The following SPO11 variants were observed in gnomAD, a reference collection of about 807,000 sequenced individuals.
SPO11 encodes meiotic recombination protein SPO11.
A neutral mutation model predicts 51.6 loss-of-function variants in SPO11; 49 were observed. The ratio of observed to expected loss-of-function variants is 0.95; its 90% CI spans 0.75 to 1.20. SPO11 has a LOEUF of 1.20. Among genes scored for constraint, SPO11 ranks in the 50% most tolerant of loss-of-function variants. The pLI is 0.00. For missense variants in SPO11, 431 were observed against 473.4 expected, an observed-to-expected ratio of 0.91 and a Z score of 0.83; for synonymous variants, 176 against 158.2, an observed-to-expected ratio of 1.11 and a Z score of -0.84.
At chr20:57,330,359 G>A (rs1465581565) in intron 1 of SPO11, among the ~76,000 whole-genome samples, 1 of 151,874 alleles carries the variant, frequency 6.6e-6, no homozygotes, top group Non-Finnish European at 1.5e-5. Flanking sequence ...TAAAATTTTT[G>A]GTTAAACTTT....
In SPO11 at chr20:57,339,002, G is replaced by GTTA; in HGVS notation, c.859_860insTAT (p.Met286_Cys287insLeu). 1 of 1,491,666 alleles carries GTTA rather than the reference G, an allele frequency of 6.7e-7. No individual in the cohort carries two copies. Among genetic ancestry groups the GTTA allele is most frequent in the Non-Finnish European group, 9.1e-7 (1 of 1,094,872 alleles). 92.4% of individuals were successfully genotyped at this position (1,491,666 alleles called of 1,614,324 possible). On this transcript the variant is annotated inframe_insertion, in exon 10 of 13. Coordinates refer to ENST00000371263, the MANE Select transcript of SPO11 (RefSeq NM_012444.3). ...TTCTTTTAACAGGCATAGAAATAAT[G>GTTA]TGCATCTATAAGTATGGATCTATGG...
chr20:57,333,454 A>C (rs1397509192), intron 3 of SPO11, among the ~76,000 whole-genome samples, 178 bp downstream of exon 3: 3 of 152,216 alleles, frequency 2.0e-5, no homozygotes, highest in African/African-American at 7.2e-5. Context: ...TATCAACATA[A>C]ACATTTTTCA....
intron 8 of SPO11, among the ~76,000 whole-genome samples, chr20:57,338,013 G>A (rs545465233): frequency 5.3e-5 from 8 of 152,034 alleles, no homozygotes; most frequent in Admixed American, 2.6e-4. Context: ...TCAGCCTCCC[G>A]AGTACCTGGG....
intron 7 of SPO11, 34 bp downstream of exon 7, chr20:57,335,489 T>C: frequency 6.3e-7 from 1 of 1,589,858 alleles, no homozygotes; most frequent in Non-Finnish European, 8.6e-7. Context: ...TTTAAACTTT[T>C]GGAATGTTCA....
In SPO11 at chr20:57,339,984, A is replaced by T; in HGVS notation, c.883-118A>T. 4.4e-6 allele frequency: 3 copies of T among 687,768 alleles called. No individual in the cohort carries two copies. In the South Asian group the frequency reaches 5.1e-5, roughly 12 times the overall value. 42.6% of individuals were successfully genotyped at this position (687,768 alleles called of 1,614,324 possible). A position where few individuals can be genotyped will look rare whatever the true frequency, so the allele number is the denominator to read the frequency against. ...TTTCTTACTTCTGTGGGCTCTGGGC[A>T]TGTGAAGCCAGCTTTAGTACTTGTC... On this transcript the variant is annotated intron_variant, in intron 10 of 12. Coordinates refer to ENST00000371263, the MANE Select transcript of SPO11 (RefSeq NM_012444.3).
Position 57,331,952 on chromosome 20 carries a change from C to T in SPO11, c.245+6C>T. On this transcript the variant is annotated splice_donor_region_variant and intron_variant, in intron 2 of 12. Coordinates refer to ENST00000371263, the MANE Select transcript of SPO11 (RefSeq NM_012444.3). ...TCAAGCTGGGAAAACATAAAGTGGGCATTTTGCATTTTTATTTTTTAAATG... is the reference window on the plus strand; with the variant it reads ...TCAAGCTGGGAAAACATAAAGTGGGTATTTTGCATTTTTATTTTTTAAATG... 1 of 1,507,116 alleles carries T rather than the reference C, an allele frequency of 6.6e-7. No individual in the cohort carries two copies. Among genetic ancestry groups the T allele is most frequent in the South Asian group, 1.2e-5 (1 of 80,316 alleles). 93.4% of individuals were successfully genotyped at this position (1,507,116 alleles called of 1,614,324 possible).
chr20:57,331,897 G>C lies in SPO11; in HGVS notation c.196G>C (p.Glu66Gln). The change falls in exon 2 of 13, where the codon GAA becomes CAA. Residue 66 changes from glutamate to glutamine, a missense_variant. Glu to Gln is a conservative substitution (Grantham distance 29, BLOSUM62 2). Transcript: ENST00000371263. Reference protein sequence around the residue: ...QDIITSLARNEAPAFTIDNRS... With the variant: ...QDIITSLARNQAPAFTIDNRS... ...CATAATCACAAGCTTGGCAAGAAAT[G>C]AAGCACCTGCATTCACGATAGACAA... The C allele has an allele frequency of 6.2e-7, 1 of 1,606,602 alleles. No homozygotes were observed. Among genetic ancestry groups the C allele is most frequent in the Non-Finnish European group, 8.5e-7 (1 of 1,176,672 alleles).
At position 57,341,751 on chromosome 20, in the gene SPO11, T is replaced by TA. The variant is rs561397312; in HGVS notation, c.960-973dup. The stretch of plus-strand genomic sequence containing the variant: ...ATCCCTTGGGGGTGATCTGTTTGTA[T>TA]AAAAACAATTTTAACACAAATTCAA... On this transcript the variant is annotated intron_variant, in intron 11 of 12. Transcript: ENST00000371263. Among the ~76,000 whole-genome samples the TA allele has an allele frequency of 7.9e-5, 12 of 152,328 alleles. No homozygotes were observed. The East Asian group carries it at 2.3e-3, about 29-fold the overall frequency.
rs759951296 is a variant in SPO11 at position 57,339,018 on chromosome 20, G to T, written c.874G>T (p.Gly292Ter). Residue 292 changes from glycine to a stop codon, truncating the protein, a stop_gained, in exon 10 of 13, where the codon GGA (glycine) becomes TGA (stop). Transcript: ENST00000371263. LOFTEE classifies it high-confidence loss of function. Reference protein sequence around the residue: ...GIEIMCIYKYGSMSMSFEAHH... With the variant: ...GIEIMCIYKY The stretch of plus-strand genomic sequence containing the variant: ...AGAAATAATGTGCATCTATAAGTAT[G>T]GATCTATGGTAAGTATAGAAAAGCA... 6.1e-6 allele frequency: 9 copies of T among 1,476,562 alleles called. No homozygotes were observed. Among genetic ancestry groups the T allele is most frequent in the Non-Finnish European group, 8.3e-6 (9 of 1,086,240 alleles). The allele number at this position is 1,476,562 out of a possible 1,614,324, so 91.5% of individuals were successfully genotyped here.
intron 8 of SPO11, among the ~76,000 whole-genome samples, chr20:57,336,123 T>G (rs1600682255): frequency 3.3e-5 from 5 of 152,214 alleles, no homozygotes; most frequent in Admixed American, 3.3e-4. Flanking sequence ...AGGGTCTCGC[T>G]CTGTTGCCCA....
Position 57,338,880 on chromosome 20 carries a change from C to T in SPO11, c.845-109C>T. The stretch of plus-strand genomic sequence containing the variant: ...ATTAAACTGAGAATGATAAATTTTT[C>T]ACTGGTGATGTCCACAAAATTAAAA... On this transcript the variant is annotated intron_variant, in intron 9 of 12. Transcript: ENST00000371263. 6.2e-6 allele frequency: 4 copies of T among 647,434 alleles called. No individual in the cohort carries two copies. In the South Asian group the frequency reaches 7.8e-5, roughly 13 times the overall value. 40.1% of individuals were successfully genotyped at this position (647,434 alleles called of 1,614,324 possible).
chr20:57,334,598 T>C (rs116341523), intron 5 of SPO11, 152 bp from the exon 6 acceptor site: 300 of 556,230 alleles, frequency 5.4e-4, no homozygotes, highest in African/African-American at 5.2e-3. Flanking sequence ...ATATTTTTAA[T>C]TCCTAAATCC....
chr20:57,338,697 G>T (rs28368091), intron 9 of SPO11, among the ~76,000 whole-genome samples: 5,766 of 151,966 alleles, frequency 0.038, 151 homozygotes, highest in African/African-American at 0.082. Flanking sequence ...TGCCCACCTC[G>T]GCATCCCAAA....
At chr20:57,337,922 T>C (rs2066532639) in intron 8 of SPO11, among the ~76,000 whole-genome samples, 1 of 152,152 alleles carries the variant, frequency 6.6e-6, no homozygotes, top group Admixed American at 6.5e-5. Context: ...AGTTTCACTC[T>C]TTTTGCCCAG....
Position 57,335,817 on chromosome 20 carries a change from G to A in SPO11, c.654G>A (p.Lys218=). 1 of 1,610,214 alleles carries A rather than the reference G, an allele frequency of 6.2e-7. No individual in the cohort carries two copies. Among genetic ancestry groups the A allele is most frequent in the Non-Finnish European group, 8.5e-7 (1 of 1,177,624 alleles). ...TCACAGATTTAGTTACAGATGCAAA[G>A]TTTGTATTAATTGTAGAAAAAGATG... ...QGIRNLVTDA[K]FVLIVEKDAT... Residue 218 remains lysine (K), a synonymous_variant, in exon 8 of 13, where the codon AAG becomes AAA. Coordinates refer to ENST00000371263, the MANE Select transcript of SPO11 (RefSeq NM_012444.3).
rs775082697 is a variant in SPO11, at chr20:57,331,848, A to G, written c.147A>G (p.Ala49=). The G allele has an allele frequency of 6.3e-6, 10 of 1,590,328 alleles. No individual in the cohort carries two copies. Among genetic ancestry groups the G allele is most frequent in the East Asian group, 4.5e-5 (2 of 44,284 alleles). ...ATTGTTTCAGTTCTGAGGTTCTTGCATCTATAGAAAATATTATCCAAGACA... is the reference window on the plus strand; with the variant it reads ...ATTGTTTCAGTTCTGAGGTTCTTGCGTCTATAGAAAATATTATCCAAGACA... ...SRLASSSEVL[A]SIENIIQDII... The change falls in exon 2 of 13, where the codon GCA becomes GCG. Residue 49 remains alanine (A), a synonymous_variant. Transcript: ENST00000371263.
At chr20:57,330,696 T>G (rs1051107267) in intron 1 of SPO11, among the ~76,000 whole-genome samples, 18 of 152,166 alleles carry the variant, frequency 1.2e-4, no homozygotes, top group African/African-American at 4.1e-4. Flanking sequence ...TTGAGCAAAG[T>G]TTTTCAGCCT....
intron 1 of SPO11, 70 bp downstream of exon 1, chr20:57,330,068 G>A: frequency 6.7e-7 from 1 of 1,489,964 alleles, no homozygotes; most frequent in Non-Finnish European, 8.9e-7. Flanking sequence ...CCTGGCCCCG[G>A]GCTGCCTCCT....
At chr20:57,338,643 C>T (rs928304928) in intron 9 of SPO11, among the ~76,000 whole-genome samples, 3 of 151,878 alleles carry the variant, frequency 2.0e-5, no homozygotes, top group Non-Finnish European at 4.4e-5. Flanking sequence ...CGGGGTTTTA[C>T]CATGTTGGCC....
Sources: allele counts gnomAD v4.1 joint callset (sites outside exome capture counted in the v4.1 genomes callset), GRCh38; gene constraint gnomAD v4.1.1; transcripts MANE v1.5; gene names NCBI Gene and HGNC (gene_info 2026-07-23, HGNC 2026-07-21).